The following PTPRD variants were observed in gnomAD, a reference collection of about 807,000 sequenced individuals.
PTPRD encodes receptor-type tyrosine-protein phosphatase delta.
A neutral mutation model predicts 214.5 loss-of-function variants in PTPRD; 34 were observed. That is an observed-to-expected ratio of 0.16 (90% CI 0.12 to 0.21). The LOEUF (loss-of-function observed/expected upper bound fraction) is 0.21. Ranked by LOEUF, PTPRD falls within the 10% of genes least tolerant of loss-of-function variation. PTPRD has a pLI of 1.00. For missense variants in PTPRD, 2,545 were observed against 2,398.7 expected (o/e 1.06, Z -1.27); for synonymous variants, 1,128 against 845.7 (o/e 1.33, Z -5.79).
intron 8 of PTPRD, among the ~76,000 whole-genome samples, chr9:9,454,945 G>A (rs1199828939): frequency 6.6e-6 from 1 of 151,324 alleles, no homozygotes; most frequent in Non-Finnish European, 1.5e-5. Flanking sequence ...TATAATCATG[G>A]CCCAAGTGAG....
intron 7 of PTPRD, among the ~76,000 whole-genome samples, chr9:9,601,111 A>ATATG: frequency 1.0e-5 from 1 of 97,532 alleles, no homozygotes; most frequent in Non-Finnish European, 1.9e-5. Context: ...AGATTAATAT[A>ATATG]TGTGTGTGTG....
At chr9:9,889,713 G>T (rs1034961646) in intron 5 of PTPRD, among the ~76,000 whole-genome samples, 1 of 152,056 alleles carries the variant, frequency 6.6e-6, no homozygotes, top group Non-Finnish European at 1.5e-5. Flanking sequence ...TCCATAGAGG[G>T]CCCTGGAGGG....
intron 9 of PTPRD, among the ~76,000 whole-genome samples, chr9:9,363,391 G>A (rs1382183595): frequency 6.6e-6 from 1 of 151,204 alleles, no homozygotes; most frequent in African/African-American, 2.4e-5. Context: ...CATACTAGGA[G>A]ATCTGAAACA....
intron 5 of PTPRD, among the ~76,000 whole-genome samples, chr9:9,933,867 T>C (rs1422790972): frequency 1.3e-5 from 2 of 148,996 alleles, no homozygotes; most frequent in East Asian, 1.9e-4. Context: ...ACAGAAATTA[T>C]AACAAACTAT....
chr9:10,407,910 G>A (rs1408628076), intron 2 of PTPRD, among the ~76,000 whole-genome samples: 2 of 151,328 alleles, frequency 1.3e-5, no homozygotes, highest in African/African-American at 4.8e-5. Context: ...TCAACTCATA[G>A]TAAGACTTTT....
At chr9:8,594,065 T>C (rs796390689) in intron 14 of PTPRD, among the ~76,000 whole-genome samples, 11 of 152,338 alleles carry the variant, frequency 7.2e-5, no homozygotes, top group African/African-American at 2.6e-4. Context: ...GAAAAGGCAC[T>C]ACATTGATGT....
At chr9:9,250,709 T>G (rs556077561) in intron 9 of PTPRD, among the ~76,000 whole-genome samples, 9 of 151,982 alleles carry the variant, frequency 5.9e-5, no homozygotes, top group Admixed American at 5.9e-4. Context: ...GACTCTGCAA[T>G]TGGGGAAATG....
chr9:10,607,426 C>G (rs540242400), intron 2 of PTPRD, among the ~76,000 whole-genome samples: 1 of 151,834 alleles, frequency 6.6e-6, no homozygotes, highest in Admixed American at 6.6e-5. Context: ...TCACTAAGTC[C>G]TATTTTGAAG....
At chr9:9,347,355 C>A (rs971083585) in intron 9 of PTPRD, among the ~76,000 whole-genome samples, 3 of 150,424 alleles carry the variant, frequency 2.0e-5, no homozygotes, top group Non-Finnish European at 4.4e-5. Context: ...TATATGCATG[C>A]ATACATATAA....
intron 10 of PTPRD, among the ~76,000 whole-genome samples, chr9:9,093,703 G>A (rs2099779532): frequency 6.6e-6 from 1 of 151,368 alleles, no homozygotes. Flanking sequence ...GGCATATAGA[G>A]GAAAATTTAT....
chr9:10,073,206 T>A (rs1461474508), intron 3 of PTPRD, among the ~76,000 whole-genome samples: 1 of 151,924 alleles, frequency 6.6e-6, no homozygotes, highest in Non-Finnish European at 1.5e-5. Context: ...TGTAATGGGA[T>A]ATATATATAG....
At chr9:8,900,070 G>A (rs528520003) in intron 11 of PTPRD, among the ~76,000 whole-genome samples, 1 of 151,504 alleles carries the variant, frequency 6.6e-6, no homozygotes, top group African/African-American at 2.4e-5. Flanking sequence ...GCATTGTCAA[G>A]CTGAGTAATG....
rs767332180 is a variant in PTPRD, at chr9:8,314,715, G to A, written c.*3159C>T. 8 of 232,018 alleles carry A rather than the reference G, an allele frequency of 3.4e-5. No homozygotes were observed. The highest frequency in any genetic ancestry group is 5.7e-5 in the Admixed American group (1 of 17,696). 14.4% of individuals were successfully genotyped at this position (232,018 alleles called of 1,614,324 possible). On this transcript the variant is annotated 3_prime_UTR_variant, in exon 46 of 46. Coordinates refer to ENST00000381196, the MANE Select transcript of PTPRD (RefSeq NM_002839.4). The stretch of plus-strand genomic sequence containing the variant: ...TAAACAGGAAAGAAAAAAAATACGT[G>A]CATTACTGCAGACTTTTTTCCCTTC...
chr9:8,954,713 T>C (rs2154309524), intron 11 of PTPRD, among the ~76,000 whole-genome samples: 1 of 152,018 alleles, frequency 6.6e-6, no homozygotes, highest in East Asian at 1.9e-4. Context: ...AGTTTTGATT[T>C]CATTGCTTTC....
chr9:8,718,315 A>C (rs2098457658), intron 12 of PTPRD, among the ~76,000 whole-genome samples: 1 of 152,214 alleles, frequency 6.6e-6, no homozygotes, highest in Non-Finnish European at 1.5e-5. Flanking sequence ...CTCTCTAGAG[A>C]AACTAGATCT....
At chr9:9,502,402 A>T (rs898456463) in intron 8 of PTPRD, among the ~76,000 whole-genome samples, 1 of 151,802 alleles carries the variant, frequency 6.6e-6, no homozygotes, top group African/African-American at 2.4e-5. Flanking sequence ...TTCACTTAGC[A>T]TGTCATCCAG....
chr9:8,420,745 G>C (rs2094298792), intron 35 of PTPRD, among the ~76,000 whole-genome samples: 1 of 151,474 alleles, frequency 6.6e-6, no homozygotes, highest in African/African-American at 2.4e-5. Flanking sequence ...TTTGGGGAAA[G>C]ACAGCTCCCT....
At chr9:9,347,904 A>T (rs1320972679) in intron 9 of PTPRD, among the ~76,000 whole-genome samples, 1 of 152,160 alleles carries the variant, frequency 6.6e-6, no homozygotes, top group East Asian at 1.9e-4. Flanking sequence ...AAAGCGTCCT[A>T]TGTCATTGCT....
intron 9 of PTPRD, among the ~76,000 whole-genome samples, chr9:9,240,241 T>C (rs998940378): frequency 6.6e-6 from 1 of 152,196 alleles, no homozygotes; most frequent in Admixed American, 6.6e-5. Flanking sequence ...TAATAGTTAT[T>C]AAATGTCTGC....
Sources: gnomAD v4.1 joint callset for allele counts (sites outside exome capture counted in the v4.1 genomes callset) on GRCh38, gnomAD v4.1.1 for gene constraint, MANE v1.5 for transcripts, NCBI Gene and HGNC (gene_info 2026-07-23, HGNC 2026-07-21) for gene names.